The following UQCC1 variants were observed in gnomAD, a reference collection of about 807,000 sequenced individuals.
UQCC1 encodes the protein ubiquinol-cytochrome c reductase complex assembly factor 1.
UQCC1 carries 38 observed loss-of-function variants against 48.0 expected under a neutral mutation model. That is an observed-to-expected ratio of 0.79 (90% CI 0.61 to 1.04). UQCC1 has a LOEUF of 1.04. UQCC1 is among the 50% of genes least tolerant of loss of function. UQCC1 has a pLI of 0.00. For missense variants in UQCC1, 368 were observed against 381.8 expected (o/e 0.96, Z 0.30); for synonymous variants, 111 against 129.2 (o/e 0.86, Z 0.95).
At chr20:35,327,336 C>T (rs909720643) in intron 7 of UQCC1, among the ~76,000 whole-genome samples, 29 of 152,226 alleles carry the variant, frequency 1.9e-4, no homozygotes, top group African/African-American at 7.0e-4. Context: ...GTCCTAACTG[C>T]TCACTGTTCA....
At chr20:35,410,487 A>C (rs983177105) in intron 1 of UQCC1, among the ~76,000 whole-genome samples, 1 of 149,958 alleles carries the variant, frequency 6.7e-6, no homozygotes, top group Non-Finnish European at 1.5e-5. Flanking sequence ...AGCCGAGATC[A>C]CACCGCTGAA....
At chr20:35,380,428 G>A (rs746976802) in intron 4 of UQCC1, among the ~76,000 whole-genome samples, 1 of 152,080 alleles carries the variant, frequency 6.6e-6, no homozygotes, top group Non-Finnish European at 1.5e-5. Context: ...AAATGCTTGT[G>A]GAATTACTGT....
intron 5 of UQCC1, among the ~76,000 whole-genome samples, chr20:35,370,003 T>A (rs34224673): frequency 5.3e-5 from 8 of 152,128 alleles, no homozygotes; most frequent in Admixed American, 6.6e-5. Context: ...TGCTCCAAAG[T>A]GCTCTTCACA....
intron 1 of UQCC1, among the ~76,000 whole-genome samples, chr20:35,407,174 C>T (rs754830123): frequency 2.0e-5 from 3 of 152,068 alleles, no homozygotes; most frequent in Non-Finnish European, 2.9e-5. Flanking sequence ...ACACCTGTAA[C>T]CCCAGCACTC....
chr20:35,402,164 C>T (rs941505279), intron 1 of UQCC1, among the ~76,000 whole-genome samples: 4 of 151,912 alleles, frequency 2.6e-5, no homozygotes, highest in African/African-American at 7.3e-5. Flanking sequence ...GAATACAGGC[C>T]GGGCATAGTG....
At chr20:35,330,156 G>C (rs2061240853) in intron 7 of UQCC1, among the ~76,000 whole-genome samples, 1 of 152,218 alleles carries the variant, frequency 6.6e-6, no homozygotes, top group East Asian at 1.9e-4. Context: ...TCTTTGATTG[G>C]AGGCTTTTCC....
Position 35,385,240 on chromosome 20 carries a change from T to C in UQCC1, c.130-1107A>G, listed in dbSNP as rs151053253. Among the ~76,000 whole-genome samples, 5 of 152,288 alleles carry C rather than the reference T, an allele frequency of 3.3e-5. No homozygotes were observed. In the East Asian group the frequency reaches 9.6e-4, roughly 29 times the overall value. ...GATATATAAAGTGCCTTTCACAAAA[T>C]AGGCACTCAATAAATAGCAGAAGTT... On this transcript the variant is annotated intron_variant, in intron 2 of 9. Transcript: ENST00000374385.
chr20:35,364,312 C>T (rs934297317), intron 6 of UQCC1, among the ~76,000 whole-genome samples: 3 of 152,248 alleles, frequency 2.0e-5, no homozygotes, highest in Admixed American at 6.5e-5. Flanking sequence ...TGTGCTTCCA[C>T]TGCATCTGCC....
intron 3 of UQCC1, among the ~76,000 whole-genome samples, chr20:35,383,121 T>G (rs1473538110): frequency 6.6e-6 from 1 of 152,192 alleles, no homozygotes; most frequent in Non-Finnish European, 1.5e-5. Flanking sequence ...CATTCAAAAC[T>G]GCAATCAAGC....
At chr20:35,320,442 C>T (rs1409692366) in intron 7 of UQCC1, among the ~76,000 whole-genome samples, 1 of 152,234 alleles carries the variant, frequency 6.6e-6, no homozygotes, top group Non-Finnish European at 1.5e-5. Context: ...AGCAATCCAA[C>T]TCCATTGCCT....
At chr20:35,350,169 C>T (rs1248509319) in intron 6 of UQCC1, among the ~76,000 whole-genome samples, 8 of 151,974 alleles carry the variant, frequency 5.3e-5, no homozygotes, top group Admixed American at 5.2e-4. Context: ...GCTCTGTCAC[C>T]CAGGCTGGAG....
intron 2 of UQCC1, chr20:35,392,169 G>A (rs961104672): frequency 1.4e-5 from 16 of 1,152,822 alleles, no homozygotes; most frequent in Non-Finnish European, 1.8e-5. Context: ...ATCCCATTAT[G>A]CACAATTCTA....
intron 7 of UQCC1, among the ~76,000 whole-genome samples, chr20:35,343,713 T>C (rs1428976046): frequency 1.3e-5 from 2 of 152,186 alleles, no homozygotes; most frequent in African/African-American, 4.8e-5. Flanking sequence ...TGAAGGCAAT[T>C]TAAGAGCCTG....
At chr20:35,399,578 G>A (rs73903070) in intron 1 of UQCC1, among the ~76,000 whole-genome samples, 2,198 of 152,114 alleles carry the variant, frequency 0.014, 51 homozygotes, top group African/African-American at 0.049. Context: ...TCTCTAGGCC[G>A]GGCGCAGTGG....
At chr20:35,378,930 T>C (rs764943056) in intron 4 of UQCC1, among the ~76,000 whole-genome samples, 9 of 152,250 alleles carry the variant, frequency 5.9e-5, no homozygotes, top group Non-Finnish European at 1.2e-4. Flanking sequence ...TCCTGTCTTC[T>C]CTTTTCCAGG....
intron 1 of UQCC1, among the ~76,000 whole-genome samples, chr20:35,405,859 C>G (rs1175200473): frequency 6.6e-6 from 1 of 152,070 alleles, no homozygotes; most frequent in Non-Finnish European, 1.5e-5. Flanking sequence ...AAGAGAATAT[C>G]AACAGAAAGA....
intron 7 of UQCC1, among the ~76,000 whole-genome samples, chr20:35,342,292 G>A (rs2061389473): frequency 2.0e-5 from 3 of 152,220 alleles, no homozygotes; most frequent in Non-Finnish European, 2.9e-5. Flanking sequence ...CCACAAGGTG[G>A]AGATGTCTGG....
chr20:35,386,249 T>A, intron 2 of UQCC1: 1 of 397,218 alleles, frequency 2.5e-6, no homozygotes, highest in South Asian at 1.8e-5. Flanking sequence ...AAAATCTAGT[T>A]TCCAAACTCT....
At chr20:35,369,606 C>T (rs2061706916) in intron 5 of UQCC1, among the ~76,000 whole-genome samples, 1 of 152,172 alleles carries the variant, frequency 6.6e-6, no homozygotes, top group African/African-American at 2.4e-5. Context: ...CTCTCACTCA[C>T]TATGTGACAC....
Sources: allele counts gnomAD v4.1 joint callset (sites outside exome capture counted in the v4.1 genomes callset), GRCh38; gene constraint gnomAD v4.1.1; transcripts MANE v1.5; gene names NCBI Gene and HGNC (gene_info 2026-07-23, HGNC 2026-07-21).